Variants in RBFOX1 observed in about 807,000 individuals in gnomAD.
RBFOX1 encodes RNA binding fox-1 homolog 1, also known as RNA binding protein fox-1 homolog 1.
A neutral mutation model predicts 57.7 loss-of-function variants in RBFOX1; 8 were observed. That is an observed-to-expected ratio of 0.14 (90% CI 0.08 to 0.25). RBFOX1 has a LOEUF of 0.25. RBFOX1 is among the 10% of genes least tolerant of loss of function. The pLI, the probability that RBFOX1 is intolerant of heterozygous loss-of-function variation, is 1.00. For synonymous variants in RBFOX1, 326 were observed against 222.4 expected (o/e 1.47, Z -4.15); for missense variants, 611 against 548.5 (o/e 1.11, Z -1.14).
chr16:7,483,657 T>C (rs1353526074), intron 4 of RBFOX1, among the ~76,000 whole-genome samples: 4 of 152,200 alleles, frequency 2.6e-5, no homozygotes, highest in Admixed American at 1.3e-4. Context: ...ATTTATCTTA[T>C]AGGTTGGGAA....
chr16:6,995,283 A>G (rs77845016), intron 3 of RBFOX1, among the ~76,000 whole-genome samples: 10,029 of 122,410 alleles, frequency 0.082, 405 homozygotes, highest in South Asian at 0.23. Flanking sequence ...ATGATCTGAA[A>G]GTAGCCTTGT....
intron 3 of RBFOX1, among the ~76,000 whole-genome samples, chr16:6,849,256 C>T (rs187939651): frequency 3.9e-5 from 6 of 152,246 alleles, no homozygotes; most frequent in African/African-American, 9.6e-5. Context: ...GAAGTCTTTC[C>T]GTGGCACCTA....
At chr16:7,482,522 C>T (rs1599587909) in intron 4 of RBFOX1, among the ~76,000 whole-genome samples, 3 of 134,224 alleles carry the variant, frequency 2.2e-5, no homozygotes, top group South Asian at 2.6e-4. Flanking sequence ...TTGCATGCAT[C>T]TTCCCTTTGA....
At chr16:5,758,926 C>A (rs935647817) in intron 3 of RBFOX1, among the ~76,000 whole-genome samples, 1 of 151,750 alleles carries the variant, frequency 6.6e-6, no homozygotes, top group South Asian at 2.1e-4. Flanking sequence ...TGTGTATATG[C>A]GAAAGGAAAT....
chr16:6,807,580 G>C (rs929855649), intron 3 of RBFOX1, among the ~76,000 whole-genome samples: 5 of 152,106 alleles, frequency 3.3e-5, no homozygotes, highest in African/African-American at 9.7e-5. Flanking sequence ...CACTTTGGGA[G>C]CCTGAGGCAG....
chr16:5,848,235 C>T (rs1185449163), intron 3 of RBFOX1, among the ~76,000 whole-genome samples: 1 of 152,116 alleles, frequency 6.6e-6, no homozygotes, highest in Non-Finnish European at 1.5e-5. Context: ...TCCAGCCCAC[C>T]ACCACTGGAC....
intron 13 of RBFOX1, among the ~76,000 whole-genome samples, chr16:7,674,939 A>G (rs2072818348): frequency 6.6e-6 from 1 of 152,202 alleles, no homozygotes; most frequent in Admixed American, 6.5e-5. Context: ...GGTGGGACCA[A>G]ATTCAGTCAC....
intron 5 of RBFOX1, among the ~76,000 whole-genome samples, chr16:7,556,181 A>G (rs531048537): frequency 6.6e-6 from 1 of 152,200 alleles, no homozygotes; most frequent in Non-Finnish European, 1.5e-5. Context: ...ACCACCATTT[A>G]TAAGGCCCTG....
chr16:6,866,214 G>T (rs904837661), intron 3 of RBFOX1, among the ~76,000 whole-genome samples: 2 of 151,850 alleles, frequency 1.3e-5, no homozygotes, highest in African/African-American at 4.8e-5. Flanking sequence ...TTACTTCAGT[G>T]TCTTCTCATC....
intron 2 of RBFOX1, among the ~76,000 whole-genome samples, chr16:6,529,728 C>G (rs567966427): frequency 6.6e-6 from 1 of 152,180 alleles, no homozygotes; most frequent in East Asian, 1.9e-4. Flanking sequence ...CTCCACAACA[C>G]GTACGGAAGA....
intron 3 of RBFOX1, among the ~76,000 whole-genome samples, chr16:6,801,521 T>C (rs540687737): frequency 7.8e-4 from 119 of 152,200 alleles, no homozygotes; most frequent in African/African-American, 2.7e-3. Context: ...TTGTCATGGG[T>C]AAGCAAAAGT....
At chr16:6,847,135 A>C (rs887408852) in intron 3 of RBFOX1, among the ~76,000 whole-genome samples, 1 of 151,954 alleles carries the variant, frequency 6.6e-6, no homozygotes, top group Non-Finnish European at 1.5e-5. Context: ...TGGTTCATCC[A>C]CTCCTGTCTT....
At chr16:5,851,270 G>T (rs1353425385) in intron 3 of RBFOX1, among the ~76,000 whole-genome samples, 1 of 152,212 alleles carries the variant, frequency 6.6e-6, no homozygotes, top group African/African-American at 2.4e-5. Flanking sequence ...TACTGATCAC[G>T]TCCTATCTGG....
intron 2 of RBFOX1, among the ~76,000 whole-genome samples, chr16:5,558,287 G>A (rs1490885730): frequency 6.6e-6 from 1 of 152,140 alleles, no homozygotes; most frequent in Non-Finnish European, 1.5e-5. Context: ...AGAGCACACT[G>A]TAACACACGC....
chr16:5,915,772 C>T (rs1289221405), intron 4 of RBFOX1, among the ~76,000 whole-genome samples: 2 of 151,960 alleles, frequency 1.3e-5, no homozygotes, highest in South Asian at 2.1e-4. Flanking sequence ...GTGGAGGTTG[C>T]AGTGAGCCAA....
intron 5 of RBFOX1, among the ~76,000 whole-genome samples, chr16:7,530,892 T>C (rs1054268839): frequency 7.2e-5 from 11 of 152,172 alleles, no homozygotes; most frequent in Non-Finnish European, 1.0e-4. Context: ...GAGAAAGTCA[T>C]CACCACCCAG....
chr16:6,049,325 TAA>T (rs35012599), intron 1 of RBFOX1, among the ~76,000 whole-genome samples: 56 of 151,120 alleles, frequency 3.7e-4, no homozygotes, highest in African/African-American at 1.1e-3. Context: ...CAGTCTCCTT[TAA>T]AAAAAAAATT....
chr16:6,671,119 C>T (rs774172801), intron 3 of RBFOX1, among the ~76,000 whole-genome samples: 2 of 152,210 alleles, frequency 1.3e-5, no homozygotes, highest in African/African-American at 2.4e-5. Flanking sequence ...TTGACCCAAT[C>T]TTACTCATTA....
intron 4 of RBFOX1, among the ~76,000 whole-genome samples, chr16:5,956,079 C>T (rs1346498243): frequency 6.6e-6 from 1 of 152,016 alleles, no homozygotes; most frequent in Non-Finnish European, 1.5e-5. Flanking sequence ...AGTTCAAGAC[C>T]AGCCTGGCCA....
Sources: gnomAD v4.1 joint callset for allele counts (sites outside exome capture counted in the v4.1 genomes callset) on GRCh38, gnomAD v4.1.1 for gene constraint, MANE v1.5 for transcripts, NCBI Gene and HGNC (gene_info 2026-07-23, HGNC 2026-07-21) for gene names.